Variants in CHRM3 observed in about 807,000 individuals in gnomAD.
CHRM3 encodes the protein muscarinic acetylcholine receptor M3.
Under a neutral mutation model 41.8 loss-of-function variants are expected in CHRM3, and 11 were observed. The observed-to-expected ratio is 0.26, with a 90% confidence interval of 0.17 to 0.44. CHRM3 has a LOEUF of 0.44. Ranked by LOEUF, CHRM3 falls within the 20% of genes least tolerant of loss-of-function variation. The pLI is 1.00. For synonymous variants in CHRM3, 297 were observed against 301.4 expected (o/e 0.99, Z 0.15); for missense variants, 571 against 745.4 (o/e 0.77, Z 2.72).
chr1:239,528,257 T>C (rs748137701), intron 2 of CHRM3, among the ~76,000 whole-genome samples: 5 of 152,318 alleles, frequency 3.3e-5, no homozygotes, highest in Non-Finnish European at 5.9e-5. Flanking sequence ...TTTTTCCTAT[T>C]AGTACCCTGC....
chr1:239,850,625 G>A (rs772504105), intron 6 of CHRM3, among the ~76,000 whole-genome samples: 3 of 152,080 alleles, frequency 2.0e-5, no homozygotes, highest in Admixed American at 6.6e-5. Context: ...ATCTTGAATC[G>A]TAATCCCCAC....
intron 5 of CHRM3, among the ~76,000 whole-genome samples, chr1:239,719,913 A>T (rs571762434): frequency 1.3e-5 from 2 of 152,088 alleles, no homozygotes; most frequent in East Asian, 3.9e-4. Flanking sequence ...ATCTGTGTGT[A>T]TTTCCACAAA....
Position 239,908,388 on chromosome 1 carries a change from T to A in CHRM3, c.937T>A (p.Phe313Ile). Residue 313 changes from phenylalanine (F) to isoleucine (I), a missense_variant, in exon 7 of 7, where the codon TTC (phenylalanine) becomes ATC (isoleucine). Around this residue, in one of 5 missense-constraint regions of CHRM3, gnomAD observed 239 missense variants for 239.6 expected, o/e 1.00. Transcript: ENST00000676153. The surrounding 1 kb of genome is among the most constrained non-coding windows in gnomAD (Gnocchi z 7.2). Reference protein sequence around the residue: ...SNRRKYGRCHFWFTTKSWKPS... With the variant: ...SNRRKYGRCHIWFTTKSWKPS... ...CAGGAGGAAGTATGGCCGCTGCCACTTCTGGTTCACAACCAAGAGCTGGAA... is the reference window on the plus strand; with the variant it reads ...CAGGAGGAAGTATGGCCGCTGCCACATCTGGTTCACAACCAAGAGCTGGAA... The A allele has an allele frequency of 6.2e-7, 1 of 1,614,038 alleles. No individual in the cohort carries two copies. The highest frequency in any genetic ancestry group is 8.5e-7 in the Non-Finnish European group (1 of 1,180,040).
At chr1:239,490,060 C>T (rs1160132045) in intron 1 of CHRM3, among the ~76,000 whole-genome samples, 3 of 152,100 alleles carry the variant, frequency 2.0e-5, no homozygotes, top group Non-Finnish European at 4.4e-5. Flanking sequence ...ATAATTGTAT[C>T]GTAGGGTAGT....
In CHRM3 at chr1:239,474,181, G is replaced by A. The variant is rs931767386; in HGVS notation, c.-520-18528G>A. Among the ~76,000 whole-genome samples the A allele has an allele frequency of 3.3e-5, 5 of 151,964 alleles. No individual in the cohort carries two copies. The East Asian group carries it at 9.6e-4, about 29-fold the overall frequency. ...AAAAGAGTAACTAAAGCACTGAGAT[G>A]TTACTTTTACTTATAAAATTAGAAA... On this transcript the variant is annotated intron_variant, in intron 1 of 6. Transcript: ENST00000676153.
intron 5 of CHRM3, among the ~76,000 whole-genome samples, chr1:239,751,869 A>G (rs1266969857): frequency 6.6e-6 from 1 of 152,236 alleles, no homozygotes; most frequent in East Asian, 1.9e-4. Flanking sequence ...TAAAAAATAG[A>G]AACTATAATA....
chr1:239,761,265 T>A (rs1042636704), intron 5 of CHRM3, among the ~76,000 whole-genome samples: 2 of 152,232 alleles, frequency 1.3e-5, no homozygotes, highest in African/African-American at 2.4e-5. Flanking sequence ...ATTTTCCTTA[T>A]CATGTTTGTG....
intron 4 of CHRM3, among the ~76,000 whole-genome samples, chr1:239,643,902 G>A (rs1316147489): frequency 6.6e-6 from 1 of 152,182 alleles, no homozygotes; most frequent in Non-Finnish European, 1.5e-5. Context: ...TTCCTATTCG[G>A]CCATCTTCTC....
intron 3 of CHRM3, among the ~76,000 whole-genome samples, chr1:239,593,811 T>A (rs948769735): frequency 1.3e-5 from 2 of 152,184 alleles, no homozygotes; most frequent in Non-Finnish European, 2.9e-5. Flanking sequence ...CTATAACCCT[T>A]ACTCAAAATC....
intron 5 of CHRM3, among the ~76,000 whole-genome samples, chr1:239,689,005 T>G (rs12064365): frequency 2.0e-5 from 3 of 150,604 alleles, no homozygotes; most frequent in Admixed American, 6.7e-5. Flanking sequence ...GTATATGACT[T>G]TGGCTTGCAG....
At chr1:239,684,770 G>GAAAGAAAGAAAGAAAAGAAAGAA (rs142339442) in intron 5 of CHRM3, among the ~76,000 whole-genome samples, 10 of 129,212 alleles carry the variant, frequency 7.7e-5, no homozygotes, top group Admixed American at 4.9e-4. Context: ...AAGAAAGAAA[G>GAAAGAAAGAAAGAAAAGAAAGAA]AGAAAGAGAA....
At chr1:239,552,225 T>C (rs917533505) in intron 3 of CHRM3, among the ~76,000 whole-genome samples, 2 of 65,840 alleles carry the variant, frequency 3.0e-5, no homozygotes, top group Non-Finnish European at 8.4e-5. Flanking sequence ...TATATATGTA[T>C]AGATGATATG....
intron 5 of CHRM3, among the ~76,000 whole-genome samples, chr1:239,731,212 TA>T (rs1379561168): frequency 6.6e-6 from 1 of 151,752 alleles, no homozygotes; most frequent in Non-Finnish European, 1.5e-5. Context: ...GCACTTCTGT[TA>T]GGTAAGAAAA....
intron 3 of CHRM3, among the ~76,000 whole-genome samples, chr1:239,614,973 T>C (rs1667473647): frequency 6.6e-6 from 1 of 152,152 alleles, no homozygotes; most frequent in African/African-American, 2.4e-5. Flanking sequence ...TGTTGGAATT[T>C]ATAAAAGGAA....
intron 4 of CHRM3, among the ~76,000 whole-genome samples, chr1:239,675,782 T>G (rs754966331): frequency 4.6e-5 from 7 of 152,166 alleles, no homozygotes; most frequent in Non-Finnish European, 1.0e-4. Flanking sequence ...TTTTCTAGTC[T>G]CTCACCTTCA....
rs1234322552 is a variant in CHRM3, at chr1:239,914,100, C to T, written c.*4876C>T. 1.2e-5 allele frequency: 2 copies of T among 167,040 alleles called. No individual in the cohort carries two copies. Among genetic ancestry groups the T allele is most frequent in the African/African-American group, 2.4e-5 (1 of 41,432 alleles). The allele number at this position is 167,040 out of a possible 1,614,324, so 10.3% of individuals were successfully genotyped here. On this transcript the variant is annotated 3_prime_UTR_variant, in exon 7 of 7. Transcript: ENST00000676153. ...AACTTCCCGCACCCAAATTATAATC[C>T]GGCAACCCTAGCTTCAGCTAAAAAG... is the stretch of plus-strand genomic sequence containing the variant.
rs116222863 is a variant in CHRM3 at position 239,458,274 on chromosome 1, A to G, written c.-520-34435A>G. On this transcript the variant is annotated intron_variant, in intron 1 of 6. Coordinates refer to ENST00000676153, the MANE Select transcript of CHRM3 (RefSeq NM_001375978.1). ...ATAAACTTTTATCTATTAACTATCT[A>G]CTTCCTAATGAACAGATGTGACTGT... is the stretch of plus-strand genomic sequence containing the variant. Among the ~76,000 whole-genome samples the G allele has an allele frequency of 5.5e-3, 830 of 152,188 alleles. 12 individuals carry two copies. Among genetic ancestry groups the G allele is most frequent in the African/African-American group, 0.019 (788 of 41,522 alleles).
intron 6 of CHRM3, among the ~76,000 whole-genome samples, chr1:239,856,290 G>A (rs1358731349): frequency 3.3e-5 from 5 of 152,142 alleles, no homozygotes; most frequent in Non-Finnish European, 7.3e-5. Flanking sequence ...GTGATCCTGA[G>A]TGTTGGAGGT....
chr1:239,704,092 A>C (rs1225517964), intron 5 of CHRM3: 2 of 152,174 alleles, frequency 1.3e-5, no homozygotes, highest in Admixed American at 1.3e-4. Flanking sequence ...TTAAAGAAAT[A>C]TTGTTTAGGG....
Sources: allele counts gnomAD v4.1 joint callset (sites outside exome capture counted in the v4.1 genomes callset), GRCh38; gene constraint gnomAD v4.1.1; regional missense constraint gnomAD v4.1.1; non-coding constraint Gnocchi (gnomAD v3.1); transcripts MANE v1.5; gene names NCBI Gene and HGNC (gene_info 2026-07-23, HGNC 2026-07-21).